CADPS: variants seen among roughly 807,000 people sequenced by gnomAD.
CADPS encodes the protein calcium dependent secretion activator.
In CADPS, 57 loss-of-function variants were observed where a neutral mutation model predicts 167.3. That is an observed-to-expected ratio of 0.34 (90% confidence interval 0.28 to 0.42). The LOEUF (loss-of-function observed/expected upper bound fraction) is 0.42, where lower values mean the gene tolerates loss of function less well. Ranked by LOEUF, CADPS falls within the 20% of genes least tolerant of loss-of-function variation. The pLI is 1.00. For synonymous variants in CADPS, 676 were observed against 635.3 expected, an observed-to-expected ratio of 1.06 and a Z score of -0.96; for missense variants, 1,414 against 1,738.1, an observed-to-expected ratio of 0.81 and a Z score of 3.32.
intron 6 of CADPS, among the ~76,000 whole-genome samples, chr3:62,624,154 G>T (rs1316257744): frequency 6.6e-6 from 1 of 152,146 alleles, no homozygotes; most frequent in Non-Finnish European, 1.5e-5. Context: ...CAGTGCTGAG[G>T]CTGAGAAACC....
chr3:62,652,213 A>G lies in CADPS; in HGVS notation c.970-1133T>C, dbSNP rs757367518. 9.3e-4 allele frequency among the ~76,000 whole-genome samples: 142 copies of G among 152,184 alleles called. 1 individual carries two copies. The highest frequency in any genetic ancestry group is 7.2e-4 in the Non-Finnish European group (49 of 67,990). The stretch of plus-strand genomic sequence containing the variant: ...AAGATGGAGACAGTCTTTCATCCCC[A>G]AATTCTCACCCAAAGTCTAACTTAA... On this transcript the variant is annotated intron_variant, in intron 4 of 29. Coordinates refer to ENST00000383710, the MANE Select transcript of CADPS (RefSeq NM_003716.4).
At chr3:62,637,393 G>A (rs1312117129) in intron 6 of CADPS, among the ~76,000 whole-genome samples, 1 of 152,178 alleles carries the variant, frequency 6.6e-6, no homozygotes, top group Non-Finnish European at 1.5e-5. Context: ...TTCCCTTGAG[G>A]ATGATGATCA....
chr3:62,755,606 G>GTT (rs200988992), intron 2 of CADPS, among the ~76,000 whole-genome samples: 1 of 151,582 alleles, frequency 6.6e-6, no homozygotes, highest in Admixed American at 6.6e-5. Context: ...GTGGAGAGAT[G>GTT]TTTTTTTTTA....
intron 11 of CADPS, among the ~76,000 whole-genome samples, chr3:62,541,963 A>G (rs566977867): frequency 2.0e-5 from 3 of 152,154 alleles, no homozygotes; most frequent in Non-Finnish European, 4.4e-5. Context: ...TAGTTTTCAA[A>G]TTTTTATTTT....
At chr3:62,603,919 C>T (rs929257266) in intron 6 of CADPS, among the ~76,000 whole-genome samples, 3 of 151,890 alleles carry the variant, frequency 2.0e-5, no homozygotes, top group African/African-American at 4.8e-5. Context: ...CTCCACCTCC[C>T]GGGTTCATGC....
chr3:62,840,584 A>T (rs560324140), intron 1 of CADPS, among the ~76,000 whole-genome samples: 2 of 152,096 alleles, frequency 1.3e-5, no homozygotes, highest in African/African-American at 2.4e-5. Flanking sequence ...TGTATATATA[A>T]AAAAGTGTGT....
intron 3 of CADPS, among the ~76,000 whole-genome samples, chr3:62,713,328 G>C (rs1286263800): frequency 6.6e-6 from 1 of 152,138 alleles, no homozygotes; most frequent in Non-Finnish European, 1.5e-5. Context: ...GTGGGGCTCA[G>C]GGTCCAGACC....
rs74893739 is a variant in CADPS, at chr3:62,590,690, T to C, written c.1437+1947A>G. Among the ~76,000 whole-genome samples the C allele has an allele frequency of 6.7e-3, 1,024 of 152,186 alleles. 13 individuals carry two copies. The highest frequency in any genetic ancestry group is 0.023 in the African/African-American group (960 of 41,556). On this transcript the variant is annotated intron_variant, in intron 7 of 29. Transcript: ENST00000383710. ...CACAGGAGATGAATTCTTGCTGGCA[T>C]CGTTAGGTGTGTGTGCCTGTGTGCT... is the stretch of plus-strand genomic sequence containing the variant.
rs537030975 is a variant in CADPS at position 62,551,046 on chromosome 3, T to C, written c.1754-931A>G. Among the ~76,000 whole-genome samples, 5 of 152,310 alleles carry C rather than the reference T, an allele frequency of 3.3e-5. No homozygotes were observed. The South Asian group carries it at 8.3e-4, about 25-fold the overall frequency. ...TCTTCCTTAGAAGCACCCTCTCTCA[T>C]GGTGATGCCAACCAGCCTTTAAGTA... On this transcript the variant is annotated intron_variant, in intron 10 of 29. Transcript: ENST00000383710.
intron 1 of CADPS, among the ~76,000 whole-genome samples, chr3:62,768,019 A>G (rs1037101732): frequency 6.6e-6 from 1 of 152,154 alleles, no homozygotes. Context: ...GCTAGTGGCT[A>G]TTGCACTGGA....
chr3:62,537,235 A>C (rs1305469480), intron 11 of CADPS, among the ~76,000 whole-genome samples: 1 of 152,224 alleles, frequency 6.6e-6, no homozygotes, highest in Non-Finnish European at 1.5e-5. Context: ...CTCAGTTAGC[A>C]AAGCTTAGGA....
chr3:62,745,546 T>A (rs756009988), intron 3 of CADPS, among the ~76,000 whole-genome samples: 8 of 152,168 alleles, frequency 5.3e-5, no homozygotes, highest in Non-Finnish European at 8.8e-5. Context: ...CAACCTTGTC[T>A]TGGAACAGAC....
chr3:62,609,834 A>G (rs1000061918), intron 6 of CADPS, among the ~76,000 whole-genome samples: 3 of 152,196 alleles, frequency 2.0e-5, no homozygotes, highest in African/African-American at 7.2e-5. Flanking sequence ...TCACACCTGT[A>G]ATCCTAGAAC....
chr3:62,626,159 G>A (rs1005365477), intron 6 of CADPS: 3 of 172,958 alleles, frequency 1.7e-5, no homozygotes, highest in African/African-American at 7.3e-5. Flanking sequence ...CTCTTCCCCT[G>A]AAGCTTTCAT....
chr3:62,602,555 C>T lies in CADPS; in HGVS notation c.1326-9807G>A, dbSNP rs1394640852. Among the ~76,000 whole-genome samples the T allele has an allele frequency of 1.3e-5, 2 of 152,116 alleles. No individual in the cohort carries two copies. Among genetic ancestry groups the T allele is most frequent in the Non-Finnish European group, 2.9e-5 (2 of 68,016 alleles). ...CTTTGAGGTGGACTGCATGATATTCCACTCCAAGGGAATCAATTGTGCCAT... is the reference window on the plus strand; with the variant it reads ...CTTTGAGGTGGACTGCATGATATTCTACTCCAAGGGAATCAATTGTGCCAT... On this transcript the variant is annotated intron_variant, in intron 6 of 29. Coordinates refer to ENST00000383710, the MANE Select transcript of CADPS (RefSeq NM_003716.4). The surrounding 1 kb of genome is among the most constrained non-coding windows in gnomAD (Gnocchi z 4.4).
chr3:62,696,784 C>T (rs999943051), intron 3 of CADPS, among the ~76,000 whole-genome samples: 2 of 152,002 alleles, frequency 1.3e-5, no homozygotes, highest in African/African-American at 4.8e-5. Context: ...AGTAAGGCAT[C>T]CTCATCAATT....
intron 13 of CADPS, among the ~76,000 whole-genome samples, chr3:62,528,432 G>C (rs2072837529): frequency 1.3e-5 from 2 of 152,164 alleles, no homozygotes. Flanking sequence ...CTGGAATATA[G>C]CAAGTAATTA....
chr3:62,828,282 G>A (rs2074429090), intron 1 of CADPS, among the ~76,000 whole-genome samples: 1 of 152,178 alleles, frequency 6.6e-6, no homozygotes, highest in African/African-American at 2.4e-5. Flanking sequence ...GGCAATTCCA[G>A]CACTCTTCCC....
At chr3:62,425,528 C>T (rs150185143) in intron 28 of CADPS, among the ~76,000 whole-genome samples, 6 of 152,274 alleles carry the variant, frequency 3.9e-5, no homozygotes, top group African/African-American at 1.2e-4. Context: ...GGAATGAGTA[C>T]ATTTTTAAAA....
Sources: allele counts gnomAD v4.1 joint callset (sites outside exome capture counted in the v4.1 genomes callset), GRCh38; gene constraint gnomAD v4.1.1; non-coding constraint Gnocchi (gnomAD v3.1); transcripts MANE v1.5; gene names NCBI Gene and HGNC (gene_info 2026-07-23, HGNC 2026-07-21).